KLRG2: variants seen among roughly 807,000 people sequenced by gnomAD.
KLRG2 encodes the protein killer cell lectin like receptor G2.
In KLRG2, 39 loss-of-function variants were observed where a neutral mutation model predicts 35.4. That is an observed-to-expected ratio of 1.10 (90% CI 0.85 to 1.44). The LOEUF (loss-of-function observed/expected upper bound fraction) is 1.44, where lower values mean the gene tolerates loss of function less well. Among genes scored for constraint, KLRG2 ranks in the 40% most tolerant of loss-of-function variants. KLRG2 has a pLI of 0.00. For missense variants in KLRG2, 632 were observed against 570.9 expected, an observed-to-expected ratio of 1.11 and a Z score of -1.09; for synonymous variants, 283 against 265.8, an observed-to-expected ratio of 1.06 and a Z score of -0.63.
intron 3 of KLRG2, among the ~76,000 whole-genome samples, chr7:139,462,329 A>T (rs1485142986): frequency 2.0e-5 from 3 of 150,406 alleles, no homozygotes; most frequent in East Asian, 3.9e-4. Context: ...AGCACCCCTC[A>T]CCCCTTCTCT....
chr7:139,459,142 T>C (rs1325781145), intron 3 of KLRG2, among the ~76,000 whole-genome samples: 1 of 152,206 alleles, frequency 6.6e-6, no homozygotes, highest in Non-Finnish European at 1.5e-5. Context: ...GCTGTATGCA[T>C]TTTTTTGTTA....
intron 3 of KLRG2, among the ~76,000 whole-genome samples, chr7:139,467,984 C>T (rs191591367): frequency 1.8e-3 from 273 of 152,294 alleles, no homozygotes; most frequent in South Asian, 3.3e-3. Flanking sequence ...GGGAAAACCG[C>T]CTTAGGGCTG....
At chr7:139,443,093 A>ATT in the KLRG2 span, among the ~76,000 whole-genome samples, 10 of 109,624 alleles carry the variant, frequency 9.1e-5, no homozygotes, top group African/African-American at 6.1e-4. Flanking sequence ...AGGAAAAAAA[A>ATT]CTTTTTTTTT....
rs191574250 is a variant in KLRG2 at position 139,480,103 on chromosome 7, G to A, written c.859+43C>T. 320 of 1,288,010 alleles carry A rather than the reference G, an allele frequency of 2.5e-4. 3 individuals carry two copies. The highest frequency in any genetic ancestry group is 3.7e-4 in the Middle Eastern group (2 of 5,414). The allele number at this position is 1,288,010 out of a possible 1,614,324, so 79.8% of individuals were successfully genotyped here. A position where few individuals can be genotyped will look rare whatever the true frequency, so the allele number is the denominator to read the frequency against. On this transcript the variant is annotated intron_variant, in intron 2 of 4. Transcript: ENST00000340940. ...GGGCTGGAAACACAGCCCCAGTAGT[G>A]GAGCGGCAGGGAGAGGGGATGGGGA... is the stretch of plus-strand genomic sequence containing the variant.
rs1321811982 is a variant in KLRG2, at chr7:139,453,489, A to G, written c.*98T>C. On this transcript the variant is annotated 3_prime_UTR_variant, in exon 5 of 5. Coordinates refer to ENST00000340940, the MANE Select transcript of KLRG2 (RefSeq NM_198508.4). ...TTGAGCAGAGCATGAAGACCTGGAT[A>G]ACTGGGTCCAGGAAGAGGCTGCCCA... is the stretch of plus-strand genomic sequence containing the variant. 7.6e-7 allele frequency: 1 copy of G among 1,308,410 alleles called. No homozygotes were observed. The allele number at this position is 1,308,410 out of a possible 1,614,324, so 81.1% of individuals were successfully genotyped here.
At chr7:139,431,379 T>C in the KLRG2 span, among the ~76,000 whole-genome samples, 180 of 152,310 alleles carry the variant, frequency 1.2e-3, no homozygotes, top group Middle Eastern at 0.014. Context: ...AGATACACTT[T>C]CTTCATTATG....
In KLRG2 at chr7:139,483,545, TG is replaced by T; in HGVS notation, c.97del (p.Gln33ArgfsTer94). ...GSLVPTLEQP[Q>X]VPAKVRQPEG... ...AGGTTGTCGCACCTTCGCGGGCACC[TG>T]CGGCTGCTCCAGCGTGGGGACCAGG... is the stretch of plus-strand genomic sequence containing the variant. On this transcript the variant is annotated frameshift_variant, in exon 1 of 5. Coordinates refer to ENST00000340940, the MANE Select transcript of KLRG2 (RefSeq NM_198508.4). LOFTEE classifies it high-confidence loss of function. The T allele has an allele frequency of 6.3e-7, 1 of 1,598,880 alleles. No homozygotes were observed. Among genetic ancestry groups the T allele is most frequent in the Non-Finnish European group, 8.5e-7 (1 of 1,178,852 alleles).
At chr7:139,465,080 A>C (rs1796628482) in intron 3 of KLRG2, among the ~76,000 whole-genome samples, 1 of 152,094 alleles carries the variant, frequency 6.6e-6, no homozygotes, top group South Asian at 2.1e-4. Context: ...TGGTTTATTG[A>C]TAGCAGTTCC....
chr7:139,479,656 C>A lies in KLRG2; in HGVS notation c.976G>T (p.Ala326Ser), dbSNP rs201866297. ...GTGTGGCTTAGCAGGGGGAGGGTAG[C>A]GTGGTAGGCTGAGCAGAAAGCCTGG... The part of the protein sequence containing the change: ...ASQAFCSAYH[A>S]TLPLLSHTQD... Residue 326 changes from alanine to serine, a missense_variant, in exon 3 of 5, where the codon GCT becomes TCT. Transcript: ENST00000340940. 1.9e-6 allele frequency: 3 copies of A among 1,613,472 alleles called. No individual in the cohort carries two copies. Among genetic ancestry groups the A allele is most frequent in the African/African-American group, 2.7e-5 (2 of 75,036 alleles).
chr7:139,445,018 A>T, the KLRG2 span, among the ~76,000 whole-genome samples: 1 of 152,084 alleles, frequency 6.6e-6, no homozygotes, highest in South Asian at 2.1e-4. Flanking sequence ...AGGATGGTTC[A>T]TCCCTTCCTC....
At chr7:139,428,428 A>T in the KLRG2 span, among the ~76,000 whole-genome samples, 4 of 151,896 alleles carry the variant, frequency 2.6e-5, no homozygotes, top group East Asian at 1.9e-4. Flanking sequence ...AAAATTTTTT[A>T]AATTTTTTTT....
At chr7:139,472,475 T>C (rs962628477) in intron 3 of KLRG2, among the ~76,000 whole-genome samples, 5 of 151,682 alleles carry the variant, frequency 3.3e-5, no homozygotes, top group Admixed American at 6.6e-5. Flanking sequence ...CTGAGTGCGG[T>C]GGCTCATGTC....
the KLRG2 span, among the ~76,000 whole-genome samples, chr7:139,445,456 G>T: frequency 6.6e-6 from 1 of 152,098 alleles, no homozygotes; most frequent in Non-Finnish European, 1.5e-5. Flanking sequence ...CAAGCACACA[G>T]ATGATTTCAA....
chr7:139,450,809 T>C (rs1362800690), downstream of KLRG2, among the ~76,000 whole-genome samples: 1 of 152,178 alleles, frequency 6.6e-6, no homozygotes, highest in Non-Finnish European at 1.5e-5. Flanking sequence ...GGACACAGCA[T>C]AAACAGCGAC....
At chr7:139,464,711 T>C (rs930105541) in intron 3 of KLRG2, among the ~76,000 whole-genome samples, 1 of 152,274 alleles carries the variant, frequency 6.6e-6, no homozygotes, top group Admixed American at 6.5e-5. Context: ...GACCGCGCCC[T>C]GTAGTCTTTC....
chr7:139,482,726 T>C (rs945966918), intron 1 of KLRG2, among the ~76,000 whole-genome samples, 160 bp downstream of exon 1: 1 of 152,136 alleles, frequency 6.6e-6, no homozygotes. Flanking sequence ...ATGTTATTGA[T>C]TGTAAGCCCG....
In KLRG2 at chr7:139,483,155, C is replaced by A; in HGVS notation, c.488G>T (p.Arg163Leu). 3 of 1,490,740 alleles carry A rather than the reference C, an allele frequency of 2.0e-6. No homozygotes were observed. Among genetic ancestry groups the A allele is most frequent in the South Asian group, 1.3e-5 (1 of 78,740 alleles). 92.3% of individuals were successfully genotyped at this position (1,490,740 alleles called of 1,614,324 possible). The part of the protein sequence containing the change: ...VPVPESPAFS[R>L]HADPAHQLLL... The stretch of plus-strand genomic sequence containing the variant: ...GAGCTGGTGCGCCGGGTCCGCGTGG[C>A]GGGAGAAGGCAGGGGACTCGGGCAC... The change falls in exon 1 of 5, where the codon CGC becomes CTC. Residue 163 changes from arginine (R) to leucine (L), a missense_variant. Arg to Leu is a moderately radical substitution (Grantham distance 102, BLOSUM62 -2). Transcript: ENST00000340940.
At position 139,483,144 on chromosome 7, in the gene KLRG2, G is replaced by A; in HGVS notation, c.499C>T (p.Pro167Ser). The change falls in exon 1 of 5, where the codon CCG (proline) becomes TCG (serine). Residue 167 changes from proline (P) to serine (S), a missense_variant. Transcript: ENST00000340940. ...GCGCGCAGCAGGAGCTGGTGCGCCG[G>A]GTCCGCGTGGCGGGAGAAGGCAGGG... ...ESPAFSRHAD[P>S]AHQLLLRAPS... The A allele has an allele frequency of 2.7e-6, 4 of 1,488,788 alleles. No homozygotes were observed. The highest frequency in any genetic ancestry group is 3.5e-6 in the Non-Finnish European group (4 of 1,126,788). 92.2% of individuals were successfully genotyped at this position (1,488,788 alleles called of 1,614,324 possible).
At chr7:139,474,188 TTGTG>T (rs922453285) in intron 3 of KLRG2, among the ~76,000 whole-genome samples, 1 of 151,910 alleles carries the variant, frequency 6.6e-6, no homozygotes. Flanking sequence ...AGCTAAATTT[TTGTG>T]TGTGTGTATT....
Sources: allele counts gnomAD v4.1 joint callset (sites outside exome capture counted in the v4.1 genomes callset), GRCh38; gene constraint gnomAD v4.1.1; transcripts MANE v1.5; gene names NCBI Gene and HGNC (gene_info 2026-07-23, HGNC 2026-07-21).